Variants in WDR37 observed in about 807,000 individuals in gnomAD.
The protein encoded by WDR37 is WD repeat-containing protein 37.
WDR37 carries 19 observed loss-of-function variants against 62.9 expected under a neutral mutation model. The ratio of observed to expected loss-of-function variants is 0.30; its 90% CI spans 0.21 to 0.44. The LOEUF is 0.44. WDR37 is among the 20% of genes least tolerant of loss of function. The pLI, the probability that WDR37 is intolerant of heterozygous loss-of-function variation, is 1.00. For synonymous variants in WDR37, 250 were observed against 260.9 expected (o/e 0.96, Z 0.40); for missense variants, 474 against 657.6 (o/e 0.72, Z 3.05).
chr10:1,080,581 T>A (rs1346361079), intron 5 of WDR37, 105 bp downstream of exon 5: 3 of 1,328,258 alleles, frequency 2.3e-6, no homozygotes, highest in Non-Finnish European at 3.1e-6. Flanking sequence ...CAGAAAAAGA[T>A]AAATGGTTTT....
rs1835348118 is a variant in WDR37 at position 1,115,103 on chromosome 10, A to T, written c.1104-9115A>T. ...GACAGGCGAGGTGTCACTGGCCATT[A>T]AGCCTCCTCTGTGGGTGGCAGGTGG... On this transcript the variant is annotated intron_variant, in intron 11 of 13. Coordinates refer to ENST00000263150, the MANE Select transcript of WDR37 (RefSeq NM_014023.4). Among the ~76,000 whole-genome samples, 4 of 151,306 alleles carry T rather than the reference A, an allele frequency of 2.6e-5. No individual in the cohort carries two copies. The Middle Eastern group carries it at 0.014, about 515-fold the overall frequency.
At chr10:1,067,925 C>T (rs751786788) in intron 1 of WDR37, among the ~76,000 whole-genome samples, 7 of 152,060 alleles carry the variant, frequency 4.6e-5, no homozygotes, top group Non-Finnish European at 7.4e-5. Context: ...TTCGCAGCAA[C>T]ATGGATGGAA....
intron 1 of WDR37, among the ~76,000 whole-genome samples, chr10:1,064,367 G>A (rs577484079): frequency 6.6e-6 from 1 of 152,086 alleles, no homozygotes; most frequent in Non-Finnish European, 1.5e-5. Context: ...GAAGGACGGG[G>A]TGGGGGGAAA....
At chr10:1,128,245 A>G (rs1835862167) in intron 13 of WDR37, among the ~76,000 whole-genome samples, 1 of 152,216 alleles carries the variant, frequency 6.6e-6, no homozygotes, top group Non-Finnish European at 1.5e-5. Flanking sequence ...TTTACTTAAT[A>G]CTGACTCACT....
At chr10:1,086,030 C>T (rs1834189601) in intron 6 of WDR37, among the ~76,000 whole-genome samples, 1 of 152,160 alleles carries the variant, frequency 6.6e-6, no homozygotes, top group Non-Finnish European at 1.5e-5. Context: ...ATGCAGCCAG[C>T]CTGATAGTAA....
At chr10:1,083,252 G>A (rs550711417) in intron 5 of WDR37, among the ~76,000 whole-genome samples, 2 of 152,350 alleles carry the variant, frequency 1.3e-5, no homozygotes, top group South Asian at 2.1e-4. Flanking sequence ...GTTTGAGGTT[G>A]AACAAGTGCT....
At chr10:1,063,504 G>C (rs1833437805) in intron 1 of WDR37, among the ~76,000 whole-genome samples, 1 of 152,190 alleles carries the variant, frequency 6.6e-6, no homozygotes, top group South Asian at 2.1e-4. Context: ...AGGTACTTCA[G>C]ATTCCCACTC....
chr10:1,061,838 CA>C (rs34689634), intron 1 of WDR37, among the ~76,000 whole-genome samples: 2,063 of 138,570 alleles, frequency 0.015, 48 homozygotes, highest in African/African-American at 0.048. Context: ...GACGTCATCT[CA>C]AAAAAAAAAA....
At chr10:1,069,383 A>ATTTTTTTTTTTTT (rs1564496918) in intron 1 of WDR37, among the ~76,000 whole-genome samples, 11 of 27,746 alleles carry the variant, frequency 4.0e-4, no homozygotes, top group Non-Finnish European at 7.1e-4. Context: ...ATATATATAT[A>ATTTTTTTTTTTTT]TATATATTTT....
intron 10 of WDR37, among the ~76,000 whole-genome samples, chr10:1,104,080 A>G (rs746629588): frequency 6.6e-6 from 1 of 152,214 alleles, no homozygotes; most frequent in African/African-American, 2.4e-5. Context: ...TGGTAGTTGT[A>G]TTAGTTTTCC....
At chr10:1,088,504 T>G (rs931113493) in intron 7 of WDR37, among the ~76,000 whole-genome samples, 1 of 152,018 alleles carries the variant, frequency 6.6e-6, no homozygotes, top group Non-Finnish European at 1.5e-5. Flanking sequence ...GAGGGAGAGA[T>G]GAGAGAAAGG....
At chr10:1,064,040 T>C (rs1282011746) in intron 1 of WDR37, among the ~76,000 whole-genome samples, 3 of 152,184 alleles carry the variant, frequency 2.0e-5, no homozygotes, top group African/African-American at 7.2e-5. Context: ...AAGCAGCGAT[T>C]GTAGAAATGC....
chr10:1,099,972 G>A (rs1227288441), intron 9 of WDR37, among the ~76,000 whole-genome samples: 1 of 149,764 alleles, frequency 6.7e-6, no homozygotes, highest in East Asian at 2.0e-4. Flanking sequence ...TGGGCGTGGT[G>A]GAGAGGTGAG....
intron 13 of WDR37, among the ~76,000 whole-genome samples, chr10:1,125,325 C>T (rs1011402566): frequency 7.9e-5 from 12 of 152,014 alleles, no homozygotes; most frequent in Non-Finnish European, 1.8e-4. Flanking sequence ...AATTCTTCTG[C>T]CTCAGCCTCA....
At chr10:1,066,179 G>C (rs1036377247) in intron 1 of WDR37, among the ~76,000 whole-genome samples, 1 of 152,024 alleles carries the variant, frequency 6.6e-6, no homozygotes, top group Non-Finnish European at 1.5e-5. Context: ...GCAGTGGCGC[G>C]ATCTTGGCTC....
intron 2 of WDR37, among the ~76,000 whole-genome samples, chr10:1,075,882 C>T (rs1287427928): frequency 3.3e-5 from 5 of 151,312 alleles, no homozygotes; most frequent in Admixed American, 1.3e-4. Flanking sequence ...TGGGTTCTAG[C>T]GATTCTCATG....
intron 1 of WDR37, among the ~76,000 whole-genome samples, chr10:1,057,489 G>A (rs1833229010): frequency 6.6e-6 from 1 of 152,294 alleles, no homozygotes; most frequent in Non-Finnish European, 1.5e-5. Context: ...TTCAAGAAGG[G>A]TGGTGAGTGT....
chr10:1,100,723 C>G (rs1165984607), intron 9 of WDR37, among the ~76,000 whole-genome samples: 6 of 152,222 alleles, frequency 3.9e-5, no homozygotes, highest in Non-Finnish European at 5.9e-5. Context: ...CCTCAGCCTT[C>G]TTTTTCTTCT....
At chr10:1,106,104 C>T (rs1835006899) in intron 11 of WDR37, among the ~76,000 whole-genome samples, 1 of 152,132 alleles carries the variant, frequency 6.6e-6, no homozygotes, top group African/African-American at 2.4e-5. Context: ...CTTAACAGAA[C>T]TCTTCAGTTC....
Sources: allele counts gnomAD v4.1 joint callset (sites outside exome capture counted in the v4.1 genomes callset), GRCh38; gene constraint gnomAD v4.1.1; transcripts MANE v1.5; gene names NCBI Gene and HGNC (gene_info 2026-07-23, HGNC 2026-07-21).